The following CARD10 variants were observed in gnomAD, a reference collection of about 807,000 sequenced individuals.
CARD10 encodes caspase recruitment domain-containing protein 10.
CARD10 carries 49 observed loss-of-function variants against 114.6 expected under a neutral mutation model. The observed-to-expected ratio is 0.43, with a 90% CI of 0.34 to 0.54. The LOEUF (loss-of-function observed/expected upper bound fraction) is 0.54, where lower values mean the gene tolerates loss of function less well. CARD10 is among the 20% of genes least tolerant of loss of function. CARD10 has a pLI of 0.03. For synonymous variants in CARD10, 602 were observed against 593.2 expected (o/e 1.01, Z -0.21); for missense variants, 1,206 against 1,397.2 (o/e 0.86, Z 2.18).
chr22:37,517,785 C>T (rs149540744), intron 2 of CARD10, among the ~76,000 whole-genome samples, 186 bp downstream of exon 2: 10 of 152,314 alleles, frequency 6.6e-5, no homozygotes, highest in African/African-American at 1.9e-4. Context: ...CTTGGAATAA[C>T]GGCACTAGCA....
chr22:37,512,301 G>C (rs557654097), intron 3 of CARD10: 2 of 152,316 alleles, frequency 1.3e-5, no homozygotes, highest in South Asian at 2.1e-4. Flanking sequence ...AGTGGCAGCA[G>C]GTGGCAGGCC....
intron 9 of CARD10, 63 bp downstream of exon 9, chr22:37,504,123 G>A (rs1439707766): frequency 8.6e-7 from 1 of 1,160,106 alleles, no homozygotes; most frequent in Non-Finnish European, 1.3e-6. Context: ...TCTGGGAGGT[G>A]GCTGTTCGGG....
intron 3 of CARD10, among the ~76,000 whole-genome samples, chr22:37,511,454 GAGGAGA>G (rs1240793611): frequency 5.4e-5 from 8 of 147,554 alleles, no homozygotes; most frequent in South Asian, 4.4e-4. Flanking sequence ...GAAGGAGGAG[GAGGAGA>G]AGGAGAAGGA....
rs577059995 is a variant in CARD10 at position 37,515,862 on chromosome 22, A to G, written c.699+111T>C. The G allele has an allele frequency of 9.6e-6, 8 of 829,410 alleles. No homozygotes were observed. In the South Asian group the frequency reaches 1.5e-4, roughly 15 times the overall value. The allele number at this position is 829,410 out of a possible 1,614,324, so 51.4% of individuals were successfully genotyped here. On this transcript the variant is annotated intron_variant, in intron 3 of 19. Transcript: ENST00000251973. ...GGTACACCGAGCACTAAAAGGACTT[A>G]TCCACGTCAAAGAGCCAGCAATGGT...
intron 5 of CARD10, 83 bp downstream of exon 5, chr22:37,508,444 G>A: frequency 2.2e-6 from 3 of 1,379,184 alleles, no homozygotes; most frequent in African/African-American, 1.4e-5. Flanking sequence ...CCTGCGTCAA[G>A]CAGATGCTCA....
At chr22:37,493,527 CA>C (rs1922882546) in intron 16 of CARD10, among the ~76,000 whole-genome samples, 1 of 152,208 alleles carries the variant, frequency 6.6e-6, no homozygotes, top group Non-Finnish European at 1.5e-5. Context: ...CTGCTGTCCC[CA>C]ACACCCTCCA....
Position 37,492,628 on chromosome 22 carries a change from C to A in CARD10, c.2635+16G>T. ...AGAGGGGCACCCAGCCTCCCCTCCC[C>A]GGCACATAGTCTCACCCGCTGGGCA... On this transcript the variant is annotated intron_variant, in intron 17 of 19. Transcript: ENST00000251973. This position sits in a 1 kb window ranked among gnomAD's most constrained non-coding sequence, Gnocchi z 5.7. The A allele has an allele frequency of 6.2e-7, 1 of 1,611,452 alleles. No individual in the cohort carries two copies. The highest frequency in any genetic ancestry group is 8.5e-7 in the Non-Finnish European group (1 of 1,179,022).
At position 37,494,143 on chromosome 22, in the gene CARD10, G is replaced by C; in HGVS notation, c.2419C>G (p.Pro807Ala). The change falls in exon 16 of 20, where the codon CCC becomes GCC. Residue 807 changes from proline to alanine, a missense_variant. Pro to Ala is a conservative substitution (Grantham distance 27). Coordinates refer to ENST00000251973, the MANE Select transcript of CARD10 (RefSeq NM_014550.4). ...GAGTCCCCTGCAGGCGCCCCCACGG[G>C]CTTGGGCCTCACCAGCCGCAGCTGG... ...LDQLRLVRPKPVGAPAGDSPD... is the reference protein window; with the variant it reads ...LDQLRLVRPKAVGAPAGDSPD... 1.9e-6 allele frequency: 3 copies of C among 1,559,024 alleles called. No homozygotes were observed. The highest frequency in any genetic ancestry group is 2.6e-6 in the Non-Finnish European group (3 of 1,151,880).
At chr22:37,504,399 G>C (rs1209590512) in intron 8 of CARD10, 98 bp from the exon 9 acceptor site, 1 of 1,099,178 alleles carries the variant, frequency 9.1e-7, no homozygotes, top group Non-Finnish European at 1.3e-6. Context: ...ATGAGAAGTA[G>C]GGCCCAGAGC....
intron 9 of CARD10, 125 bp from the exon 10 acceptor site, chr22:37,503,338 T>A (rs1300272936): frequency 2.1e-6 from 2 of 959,024 alleles, no homozygotes; most frequent in Non-Finnish European, 3.0e-6. Flanking sequence ...CAGGCTAGAC[T>A]CAAGGCAGGG....
At chr22:37,503,383 C>T (rs1923289769) in intron 9 of CARD10, among the ~76,000 whole-genome samples, 170 bp from the exon 10 acceptor site, 1 of 152,194 alleles carries the variant, frequency 6.6e-6, no homozygotes, top group African/African-American at 2.4e-5. Flanking sequence ...ACCTGGCTCC[C>T]CTAAACTCCC....
In CARD10 at chr22:37,492,559, G is replaced by C. The variant is rs753810220; in HGVS notation, c.2636-9C>G. 2 of 1,601,322 alleles carry C rather than the reference G, an allele frequency of 1.2e-6. No individual in the cohort carries two copies. The highest frequency in any genetic ancestry group is 3.4e-5 in the Admixed American group (2 of 59,194). On this transcript the variant is annotated splice_polypyrimidine_tract_variant and intron_variant, in intron 17 of 19. Transcript: ENST00000251973. This position sits in a 1 kb window ranked among gnomAD's most constrained non-coding sequence, Gnocchi z 5.7. The stretch of plus-strand genomic sequence containing the variant: ...CTCCCCAGAGAGGCTTTCTGCACAG[G>C]GAGTGGAGAGGGAGAGATGAAGGAT...
intron 19 of CARD10, 89 bp from the exon 20 acceptor site, chr22:37,491,482 T>TCAGAGAGAGAAGATGGACAAC: frequency 1.1e-6 from 1 of 887,948 alleles, no homozygotes; most frequent in Non-Finnish European, 1.6e-6. Flanking sequence ...GGGGGAAGAG[T>TCAGAGAGAGAAGATGGACAAC]CAGAGAGAGA....
At chr22:37,499,234 T>TGCTCAGCCGCTTGAGCCTCA (rs368202819) in intron 11 of CARD10, among the ~76,000 whole-genome samples, 259 of 152,252 alleles carry the variant, frequency 1.7e-3, no homozygotes, top group African/African-American at 6.0e-3. Flanking sequence ...ACGGCCCAGC[T>TGCTCAGCCGCTTGAGCCTCA]GCTCAGCCGC....
chr22:37,510,592 TA>T, intron 3 of CARD10, 171 bp from the exon 4 acceptor site: 2 of 610,666 alleles, frequency 3.3e-6, no homozygotes, highest in South Asian at 4.2e-5. Flanking sequence ...TGGACAGATA[TA>T]AAACAAACAG....
rs774583145 is a variant in CARD10 at position 37,492,676 on chromosome 22, C to G, written c.2603G>C (p.Ser868Thr). 5.6e-6 allele frequency: 9 copies of G among 1,612,964 alleles called. No individual in the cohort carries two copies. The African/African-American group carries it at 9.3e-5, about 17-fold the overall frequency. Residue 868 changes from serine (S) to threonine (T), a missense_variant, in exon 17 of 20, where the codon AGC (serine) becomes ACC (threonine). Transcript: ENST00000251973. The surrounding 1 kb of genome is among the most constrained non-coding windows in gnomAD (Gnocchi z 5.7). ...RLIRNLLDLP[S>T]SRLDFQVCPA... Reference sequence around the variant, plus strand: ...GCACACTTGGAAGTCCAGCCGGGAGCTGGGCAGGTCTAGCAGGTTACGGAT... The same window carrying G: ...GCACACTTGGAAGTCCAGCCGGGAGGTGGGCAGGTCTAGCAGGTTACGGAT...
At position 37,496,021 on chromosome 22, in the gene CARD10, A is replaced by G; in HGVS notation, c.2060-18T>C. The G allele has an allele frequency of 6.2e-7, 1 of 1,611,740 alleles. No individual in the cohort carries two copies. The highest frequency in any genetic ancestry group is 1.1e-5 in the South Asian group (1 of 91,058). The stretch of plus-strand genomic sequence containing the variant: ...CTGGCAGGCTGGGCATGGATGGGGC[A>G]GGGGGCAGCAAGGAGGACAAGAGGA... On this transcript the variant is annotated intron_variant, in intron 13 of 19. Transcript: ENST00000251973. This position sits in a 1 kb window ranked among gnomAD's most constrained non-coding sequence, Gnocchi z 4.1.
In CARD10 at chr22:37,495,849, T is replaced by C. The variant is rs745594922; in HGVS notation, c.2214A>G (p.Ala738=). The change falls in exon 14 of 20, where the codon GCA becomes GCG. Residue 738 remains alanine, a synonymous_variant. Transcript: ENST00000251973. ...AGAACCATTCCTGCCTCCGCTTGTA[T>C]GCCGAGTCCACCAGTCGAAGGATCT... ...AQEILRLVDS[A]YKRRQEWFCT... 1 of 1,614,162 alleles carries C rather than the reference T, an allele frequency of 6.2e-7. No homozygotes were observed.
rs752111862 is a variant in CARD10, at chr22:37,508,569, G to A, written c.1023C>T (p.Ala341=). The A allele has an allele frequency of 3.3e-5, 52 of 1,597,726 alleles. No homozygotes were observed. The Admixed American group carries it at 7.2e-4, about 22-fold the overall frequency. The stretch of plus-strand genomic sequence containing the variant: ...CGGCCCACTGCAGCTCCCCCTGCAC[G>A]GCATGCAGCTTCTGGCACAGCTCCT... ...SRQELCQKLH[A]VQGELQWAEE... Residue 341 remains alanine (A), a synonymous_variant, in exon 5 of 20, where the codon GCC becomes GCT. Transcript: ENST00000251973.
Sources: allele counts gnomAD v4.1 joint callset (sites outside exome capture counted in the v4.1 genomes callset), GRCh38; gene constraint gnomAD v4.1.1; non-coding constraint Gnocchi (gnomAD v3.1); transcripts MANE v1.5; gene names NCBI Gene and HGNC (gene_info 2026-07-23, HGNC 2026-07-21).